NRXN1: variants seen among roughly 807,000 people sequenced by gnomAD.
NRXN1 encodes the protein neurexin 1, also known as neurexin-1.
Under a neutral mutation model 150.9 loss-of-function variants are expected in NRXN1, and 39 were observed. The observed-to-expected ratio is 0.26, with a 90% CI of 0.20 to 0.34. The LOEUF (loss-of-function observed/expected upper bound fraction) is 0.34. Ranked by LOEUF, NRXN1 falls within the 10% of genes least tolerant of loss-of-function variation. The probability of loss-of-function intolerance (pLI) is 1.00; values close to 1 mark genes in which losing one functional copy is unlikely to be tolerated. For missense variants in NRXN1, 1,815 were observed against 1,949.9 expected (o/e 0.93, Z 1.30); for synonymous variants, 924 against 757.0 (o/e 1.22, Z -3.62).
intron 5 of NRXN1, among the ~76,000 whole-genome samples, chr2:50,900,066 T>A (rs1017265893): frequency 6.6e-6 from 1 of 152,148 alleles, no homozygotes; most frequent in African/African-American, 2.4e-5. Context: ...AATCAGAGAA[T>A]TAATCAATCT....
chr2:50,146,064 C>T (rs929154694), intron 18 of NRXN1, among the ~76,000 whole-genome samples: 2 of 151,556 alleles, frequency 1.3e-5, no homozygotes, highest in Non-Finnish European at 3.0e-5. Context: ...GCTAAATTGA[C>T]AATCAGTAAG....
chr2:50,893,559 C>T (rs1243458924), intron 5 of NRXN1, among the ~76,000 whole-genome samples: 1 of 152,068 alleles, frequency 6.6e-6, no homozygotes. Flanking sequence ...TTTGAGATGT[C>T]CCCATGTCAT....
intron 2 of NRXN1, among the ~76,000 whole-genome samples, chr2:50,989,901 C>T (rs1314908990): frequency 6.6e-6 from 1 of 151,958 alleles, no homozygotes; most frequent in African/African-American, 2.4e-5. Context: ...AATGGTTTTC[C>T]CAAAACAACT....
intron 12 of NRXN1, among the ~76,000 whole-genome samples, chr2:50,516,758 C>CA: frequency 6.6e-6 from 1 of 151,560 alleles, no homozygotes; most frequent in South Asian, 2.1e-4. Flanking sequence ...TGCTTGCCTC[C>CA]TTTTTTTTAA....
intron 17 of NRXN1, among the ~76,000 whole-genome samples, chr2:50,309,845 G>GA (rs1393781529): frequency 2.0e-5 from 3 of 149,490 alleles, no homozygotes; most frequent in African/African-American, 7.4e-5. Context: ...CGGAAGCAGA[G>GA]AAACTAAAAA....
At chr2:50,860,759 T>A (rs1351645329) in intron 5 of NRXN1, among the ~76,000 whole-genome samples, 1 of 152,080 alleles carries the variant, frequency 6.6e-6, no homozygotes, top group African/African-American at 2.4e-5. Flanking sequence ...TGAAAAGCGA[T>A]GACCCAGAGT....
At chr2:50,069,847 GT>G (rs1244777512) in intron 19 of NRXN1, among the ~76,000 whole-genome samples, 43 of 63,812 alleles carry the variant, frequency 6.7e-4, no homozygotes, top group East Asian at 1.6e-3. Flanking sequence ...GATTTTGGGG[GT>G]TTTTTTTTTT....
At chr2:50,735,736 G>A (rs1311190961) in intron 5 of NRXN1, among the ~76,000 whole-genome samples, 1 of 151,966 alleles carries the variant, frequency 6.6e-6, no homozygotes, top group Non-Finnish European at 1.5e-5. Flanking sequence ...CTTTTCTTAG[G>A]TCCAGATCCA....
At chr2:50,838,689 G>C (rs138199243) in intron 5 of NRXN1, among the ~76,000 whole-genome samples, 2 of 152,190 alleles carry the variant, frequency 1.3e-5, no homozygotes, top group East Asian at 1.9e-4. Flanking sequence ...TGTATGACTA[G>C]AGTGACGCAT....
chr2:50,975,316 C>A (rs1330951084), intron 2 of NRXN1, among the ~76,000 whole-genome samples: 1 of 152,058 alleles, frequency 6.6e-6, no homozygotes, highest in East Asian at 1.9e-4. Flanking sequence ...TTAAAGAGAT[C>A]AAGAGTCCAA....
intron 5 of NRXN1, among the ~76,000 whole-genome samples, chr2:50,878,947 T>C (rs1440724778): frequency 6.6e-6 from 1 of 151,950 alleles, no homozygotes; most frequent in Non-Finnish European, 1.5e-5. Flanking sequence ...GTTTTTTGTT[T>C]TTTAGAGCAC....
chr2:50,397,256 G>A (rs1220493146), intron 17 of NRXN1, among the ~76,000 whole-genome samples: 2 of 152,080 alleles, frequency 1.3e-5, no homozygotes, highest in Admixed American at 1.3e-4. Flanking sequence ...TTAGAGTGGC[G>A]ATCAGTGACG....
intron 5 of NRXN1, among the ~76,000 whole-genome samples, chr2:50,654,205 A>G (rs28477465): frequency 4.6e-3 from 170 of 36,584 alleles, no homozygotes; most frequent in East Asian, 8.2e-3. Flanking sequence ...AACAGGCCCC[A>G]GTGTGATGTT....
At chr2:50,932,344 A>G (rs1015148686) in intron 2 of NRXN1, among the ~76,000 whole-genome samples, 1 of 151,960 alleles carries the variant, frequency 6.6e-6, no homozygotes, top group Non-Finnish European at 1.5e-5. Context: ...TTTACATGGA[A>G]TATCTTTTTC....
chr2:50,508,040 CAA>C (rs1333143515), intron 12 of NRXN1, among the ~76,000 whole-genome samples: 1 of 151,914 alleles, frequency 6.6e-6, no homozygotes, highest in Admixed American at 6.6e-5. Flanking sequence ...GACAGAGAAC[CAA>C]GTAAAATAAA....
At chr2:50,235,395 T>G (rs370475068) in intron 18 of NRXN1, among the ~76,000 whole-genome samples, 1 of 152,084 alleles carries the variant, frequency 6.6e-6, no homozygotes, top group African/African-American at 2.4e-5. Flanking sequence ...ACATTTTAAA[T>G]TGAAATTTTA....
At chr2:50,898,481 T>C in intron 5 of NRXN1, 2 of 348,688 alleles carry the variant, frequency 5.7e-6, no homozygotes, top group Non-Finnish European at 1.1e-5. Context: ...AAAGTTATCC[T>C]ACTATTGGTT....
chr2:50,915,283 T>C (rs1218573276), intron 5 of NRXN1, among the ~76,000 whole-genome samples: 1 of 151,712 alleles, frequency 6.6e-6, no homozygotes, highest in Non-Finnish European at 1.5e-5. Context: ...CAGTCTCAAC[T>C]ATATATCATT....
chr2:50,690,185 A>G (rs1691871848), intron 5 of NRXN1, among the ~76,000 whole-genome samples: 1 of 152,210 alleles, frequency 6.6e-6, no homozygotes, highest in Non-Finnish European at 1.5e-5. Context: ...CGTGATGTCA[A>G]CATTTCATTT....
Sources: gnomAD v4.1 joint callset for allele counts (sites outside exome capture counted in the v4.1 genomes callset) on GRCh38, gnomAD v4.1.1 for gene constraint, MANE v1.5 for transcripts, NCBI Gene and HGNC (gene_info 2026-07-23, HGNC 2026-07-21) for gene names.